CACNA1C: variants seen among roughly 807,000 people sequenced by gnomAD.
The protein encoded by CACNA1C is calcium voltage-gated channel subunit alpha1 C.
CACNA1C carries 30 observed loss-of-function variants against 229.0 expected under a neutral mutation model. The ratio of observed to expected loss-of-function variants is 0.13; its 90% CI spans 0.10 to 0.18. CACNA1C has a LOEUF of 0.18. Ranked by LOEUF, CACNA1C falls within the 10% of genes least tolerant of loss-of-function variation. The pLI, the probability that CACNA1C is intolerant of heterozygous loss-of-function variation, is 1.00. For missense variants in CACNA1C, 1,658 were observed against 2,845.0 expected (o/e 0.58, Z 9.49); for synonymous variants, 1,114 against 1,132.5 (o/e 0.98, Z 0.33).
chr12:2,118,452 T>C (rs934438341), intron 2 of CACNA1C, among the ~76,000 whole-genome samples: 1 of 152,146 alleles, frequency 6.6e-6, no homozygotes, highest in African/African-American at 2.4e-5. Context: ...CAAGGTAACT[T>C]TAGAGTGGAT....
Position 2,469,352 on chromosome 12 carries a change from C to T in CACNA1C, c.757+11646C>T, listed in dbSNP as rs547719357. ...ACTATCTGCCAGGCATCGAGCCACG[C>T]GACACGAGCCACCAGTCCGTTTCTT... On this transcript the variant is annotated intron_variant, in intron 5 of 46. Coordinates refer to ENST00000399655, the MANE Select transcript of CACNA1C (RefSeq NM_000719.7). 1.1e-4 allele frequency among the ~76,000 whole-genome samples: 17 copies of T among 152,230 alleles called. No individual in the cohort carries two copies. In the South Asian group the frequency reaches 1.9e-3, roughly 17 times the overall value.
At chr12:2,315,585 G>A (rs2095648464) in intron 3 of CACNA1C, among the ~76,000 whole-genome samples, 1 of 152,126 alleles carries the variant, frequency 6.6e-6, no homozygotes, top group Admixed American at 6.5e-5. Context: ...GGTGTTGTAC[G>A]CCCCGTGCCT....
rs1423065093 is a variant in CACNA1C at position 2,686,276 on chromosome 12, C to T, written c.5784+7C>T. On this transcript the variant is annotated splice_region_variant and intron_variant, in intron 45 of 46. Coordinates refer to ENST00000399655, the MANE Select transcript of CACNA1C (RefSeq NM_000719.7). ...GCATCTGGTTCATCATCAGGTAGCT[C>T]ACACTTTTGGACAGGCCACTGTCAC... 6.2e-7 allele frequency: 1 copy of T among 1,600,156 alleles called. No homozygotes were observed. Among genetic ancestry groups the T allele is most frequent in the South Asian group, 1.1e-5 (1 of 90,764 alleles).
At position 2,477,071 on chromosome 12, in the gene CACNA1C, C is replaced by T. The variant is rs531090726; in HGVS notation, c.758-9033C>T. On this transcript the variant is annotated intron_variant, in intron 5 of 46. Coordinates refer to ENST00000399655, the MANE Select transcript of CACNA1C (RefSeq NM_000719.7). ...TATTTTCTTTTGAAAGCCATTAAGCCTGTGAGACCATTAAAAGTGTCTGTT... is the reference window on the plus strand; with the variant it reads ...TATTTTCTTTTGAAAGCCATTAAGCTTGTGAGACCATTAAAAGTGTCTGTT... 2.2e-4 allele frequency among the ~76,000 whole-genome samples: 33 copies of T among 152,322 alleles called. No individual in the cohort carries two copies. The South Asian group carries it at 6.6e-3, about 31-fold the overall frequency.
chr12:2,314,222 T>C (rs1284349272), intron 3 of CACNA1C, among the ~76,000 whole-genome samples: 1 of 152,204 alleles, frequency 6.6e-6, no homozygotes, highest in Non-Finnish European at 1.5e-5. Context: ...CCCCCTATAC[T>C]GCTCATATAT....
chr12:2,045,754 G>A (rs1267750539), intron 1 of CACNA1C, among the ~76,000 whole-genome samples: 16 of 152,030 alleles, frequency 1.1e-4, no homozygotes, highest in Admixed American at 7.9e-4. Context: ...TTAGGGTAGC[G>A]CAGTGGGTTG....
chr12:2,556,936 C>G lies in CACNA1C; in HGVS notation c.1482-15C>G, dbSNP rs1057521702. On this transcript the variant is annotated splice_polypyrimidine_tract_variant and intron_variant, in intron 10 of 46. Transcript: ENST00000399655. ...TGTGTCCATCCTTTGGTAACATTTC[C>G]TTTTTCTTTTTCAGCCACCGGATCT... 6.2e-7 allele frequency: 1 copy of G among 1,610,278 alleles called. No homozygotes were observed. Among genetic ancestry groups the G allele is most frequent in the African/African-American group, 1.3e-5 (1 of 74,802 alleles).
intron 1 of CACNA1C, among the ~76,000 whole-genome samples, chr12:2,087,261 A>G (rs2068063056): frequency 6.6e-6 from 1 of 152,124 alleles, no homozygotes; most frequent in South Asian, 2.1e-4. Context: ...CCATTGCCAG[A>G]TGTGTTCCTC....
chr12:2,020,473 G>A (rs2046245759), intron 1 of CACNA1C: 1 of 152,104 alleles, frequency 6.6e-6, no homozygotes. Flanking sequence ...CCTGAAGTAA[G>A]GCTGCATGCA....
chr12:2,280,270 T>G (rs201924482), intron 3 of CACNA1C, among the ~76,000 whole-genome samples: 2,398 of 63,484 alleles, frequency 0.038, 20 homozygotes, highest in Middle Eastern at 0.053. Flanking sequence ...AACCTCTTGA[T>G]ACCTTGCTGT....
chr12:2,135,789 A>T lies in CACNA1C; in HGVS notation c.477+15359A>T, dbSNP rs945813185. ...GTCTGTGCCCTGCCCCCAGAGGTGG[A>T]GCCTACAGAGGCAGGCAGGCCTCCT... On this transcript the variant is annotated intron_variant, in intron 3 of 46. Coordinates refer to ENST00000399655, the MANE Select transcript of CACNA1C (RefSeq NM_000719.7). Among the ~76,000 whole-genome samples, 2 of 146,482 alleles carry T rather than the reference A, an allele frequency of 1.4e-5. 1 individual carries two copies. Among genetic ancestry groups the T allele is most frequent in the African/African-American group, 5.4e-5 (2 of 37,354 alleles).
intron 9 of CACNA1C, among the ~76,000 whole-genome samples, chr12:2,543,985 C>G (rs1277168990): frequency 3.3e-5 from 5 of 152,144 alleles, no homozygotes; most frequent in Admixed American, 3.3e-4. Context: ...GACTGGCAGC[C>G]TACGTCCACC....
chr12:2,463,510 G>A lies in CACNA1C; in HGVS notation c.757+5804G>A, dbSNP rs1443814439. On this transcript the variant is annotated intron_variant, in intron 5 of 46. Coordinates refer to ENST00000399655, the MANE Select transcript of CACNA1C (RefSeq NM_000719.7). ...CTGTCAAAAAGGAAAGTTTAGGTAA[G>A]ATGTGCAATGTGATGAATTCTGTGA... 3.9e-5 allele frequency among the ~76,000 whole-genome samples: 6 copies of A among 152,338 alleles called. No homozygotes were observed. In the South Asian group the frequency reaches 6.2e-4, roughly 16 times the overall value.
intron 3 of CACNA1C, among the ~76,000 whole-genome samples, chr12:2,435,231 C>T (rs1355738245): frequency 6.6e-6 from 1 of 152,242 alleles, no homozygotes; most frequent in African/African-American, 2.4e-5. Context: ...GGCCTCGCTG[C>T]CACCACACAT....
chr12:2,074,679 C>T (rs954282130), intron 1 of CACNA1C, among the ~76,000 whole-genome samples: 1 of 152,098 alleles, frequency 6.6e-6, no homozygotes, highest in African/African-American at 2.4e-5. Flanking sequence ...TTGCCCTTTC[C>T]GCAGCAAATG....
intron 34 of CACNA1C, among the ~76,000 whole-genome samples, chr12:2,662,058 C>T (rs2095780687): frequency 2.0e-5 from 3 of 152,038 alleles, no homozygotes; most frequent in South Asian, 4.2e-4. Context: ...CTGGCTAACA[C>T]CGTGAAACCC....
chr12:2,119,547 C>G (rs2085558577), intron 2 of CACNA1C, among the ~76,000 whole-genome samples: 1 of 152,232 alleles, frequency 6.6e-6, no homozygotes, highest in Non-Finnish European at 1.5e-5. Context: ...GAACCTCTGC[C>G]TGCACTACTA....
rs2059780559 is a variant in CACNA1C, at chr12:2,215,614, T to C, written c.477+95184T>C. ...GGACATAAAGGGGCACTGCAGCCAGTCCCCTGTGGAGGATCAGGATGTCCC... is the reference window on the plus strand; with the variant it reads ...GGACATAAAGGGGCACTGCAGCCAGCCCCCTGTGGAGGATCAGGATGTCCC... On this transcript the variant is annotated intron_variant, in intron 3 of 46. Coordinates refer to ENST00000399655, the MANE Select transcript of CACNA1C (RefSeq NM_000719.7). This position sits in a 1 kb window ranked among gnomAD's most constrained non-coding sequence, Gnocchi z 5.0. Among the ~76,000 whole-genome samples the C allele has an allele frequency of 6.6e-6, 1 of 152,296 alleles. No homozygotes were observed. The highest frequency in any genetic ancestry group is 1.5e-5 in the Non-Finnish European group (1 of 68,018).
At chr12:2,682,018 C>T in intron 42 of CACNA1C, 1 of 1,611,010 alleles carries the variant, frequency 6.2e-7, no homozygotes, top group Non-Finnish European at 8.5e-7. Flanking sequence ...GGGACTCAGG[C>T]TCACTGCCTT....
Sources: gnomAD v4.1 joint callset for allele counts (sites outside exome capture counted in the v4.1 genomes callset) on GRCh38, gnomAD v4.1.1 for gene constraint, Gnocchi (gnomAD v3.1) non-coding constraint, MANE v1.5 for transcripts, NCBI Gene and HGNC (gene_info 2026-07-23, HGNC 2026-07-21) for gene names.